ADGRG7: variants seen among roughly 807,000 people sequenced by gnomAD.
The protein encoded by ADGRG7 is G-protein coupled receptor 128.
Under a neutral mutation model 88.6 loss-of-function variants are expected in ADGRG7, and 82 were observed. That is an observed-to-expected ratio of 0.93 (90% confidence interval 0.77 to 1.11). The LOEUF (loss-of-function observed/expected upper bound fraction) is 1.11, where lower values mean the gene tolerates loss of function less well. Ranked by LOEUF, ADGRG7 falls within the 50% of genes most tolerant of loss-of-function variation. The pLI is 0.00. For missense variants in ADGRG7, 945 were observed against 953.4 expected (o/e 0.99, Z 0.12); for synonymous variants, 381 against 345.2 (o/e 1.10, Z -1.15).
rs1292502507 is a variant in ADGRG7 at position 100,630,781 on chromosome 3, G to A, written c.306G>A (p.Leu102=). The A allele has an allele frequency of 2.7e-6, 4 of 1,480,762 alleles. No individual in the cohort carries two copies. The highest frequency in any genetic ancestry group is 1.8e-4 in the Middle Eastern group (1 of 5,672). 91.7% of individuals were successfully genotyped at this position (1,480,762 alleles called of 1,614,324 possible). A position where few individuals can be genotyped will look rare whatever the true frequency, so the allele number is the denominator to read the frequency against. Residue 102 remains leucine, a synonymous_variant, in exon 3 of 16, where the codon TTG becomes TTA. Transcript: ENST00000273352. ...CAGTGGGCAGATATGGACCATCCTTGCAAACATGTGGCAAGGATACTCCAA... is the reference window on the plus strand; with the variant it reads ...CAGTGGGCAGATATGGACCATCCTTACAAACATGTGGCAAGGATACTCCAA... ...RIPVGRYGPS[L]QTCGKDTPNA... is the part of the protein sequence containing the mutation.
At chr3:100,691,410 G>A (rs569879504) in intron 15 of ADGRG7, among the ~76,000 whole-genome samples, 109 of 152,228 alleles carry the variant, frequency 7.2e-4, no homozygotes, top group South Asian at 2.3e-3. Context: ...AGATGAACCC[G>A]GTACCTCAGT....
intron 8 of ADGRG7, among the ~76,000 whole-genome samples, chr3:100,643,854 A>C (rs948140488): frequency 7.9e-5 from 12 of 152,228 alleles, no homozygotes; most frequent in Non-Finnish European, 1.2e-4. Flanking sequence ...GCCTTTTGGA[A>C]GGTAGCAGAA....
intron 6 of ADGRG7, among the ~76,000 whole-genome samples, chr3:100,639,833 T>A (rs753444595): frequency 6.6e-6 from 1 of 152,260 alleles, no homozygotes. Flanking sequence ...AATACAATTT[T>A]GTGTGATTTT....
At chr3:100,639,450 G>A (rs1430455837) in intron 6 of ADGRG7, among the ~76,000 whole-genome samples, 2 of 152,222 alleles carry the variant, frequency 1.3e-5, no homozygotes, top group African/African-American at 4.8e-5. Flanking sequence ...ACAATTCTGA[G>A]AGGTGGTTGT....
At chr3:100,674,771 G>T (rs2094962834) in intron 15 of ADGRG7, among the ~76,000 whole-genome samples, 1 of 152,050 alleles carries the variant, frequency 6.6e-6, no homozygotes, top group Non-Finnish European at 1.5e-5. Context: ...TAGAGACGGG[G>T]TTTCACCATG....
chr3:100,671,067 A>G (rs1238777667), intron 15 of ADGRG7, among the ~76,000 whole-genome samples: 1 of 152,222 alleles, frequency 6.6e-6, no homozygotes, highest in South Asian at 2.1e-4. Context: ...GTATATACCA[A>G]GTAATGGGAT....
At chr3:100,668,196 G>C (rs979998259) in intron 14 of ADGRG7, among the ~76,000 whole-genome samples, 2 of 152,184 alleles carry the variant, frequency 1.3e-5, no homozygotes, top group African/African-American at 4.8e-5. Context: ...CGTCAATCTT[G>C]CTGGGAGCTG....
At chr3:100,624,424 A>T (rs528406531) in intron 1 of ADGRG7, among the ~76,000 whole-genome samples, 2 of 152,136 alleles carry the variant, frequency 1.3e-5, no homozygotes, top group South Asian at 4.2e-4. Flanking sequence ...TTCCTTGTAG[A>T]TTCTGTATAT....
Position 100,647,060 on chromosome 3 carries a change from G to A in ADGRG7, c.1266+336G>A, listed in dbSNP as rs56267678. Among the ~76,000 whole-genome samples the A allele has an allele frequency of 3.2e-3, 492 of 152,214 alleles. 2 individuals are homozygous for A. The highest frequency in any genetic ancestry group is 0.013 in the South Asian group (65 of 4,822). ...TAATCCCAGCTACTCAGGAGGCTGA[G>A]GCAGGAGAATCGCTTGAACCTGGGA... On this transcript the variant is annotated intron_variant, in intron 10 of 15. Coordinates refer to ENST00000273352, the MANE Select transcript of ADGRG7 (RefSeq NM_032787.3).
chr3:100,673,246 T>C (rs1390094357), intron 15 of ADGRG7, among the ~76,000 whole-genome samples: 1 of 152,164 alleles, frequency 6.6e-6, no homozygotes, highest in African/African-American at 2.4e-5. Context: ...ATTTCAGAAC[T>C]TGTTATTGGT....
intron 14 of ADGRG7, among the ~76,000 whole-genome samples, chr3:100,661,195 C>G (rs2094944882): frequency 1.3e-5 from 2 of 152,158 alleles, no homozygotes; most frequent in South Asian, 4.1e-4. Context: ...ATACTCTACC[C>G]TCCCTGACCC....
intron 2 of ADGRG7, among the ~76,000 whole-genome samples, chr3:100,630,223 A>T (rs1215926841): frequency 6.6e-6 from 1 of 152,108 alleles, no homozygotes; most frequent in Non-Finnish European, 1.5e-5. Context: ...GGCCATTTTT[A>T]AATTTGAGGT....
chr3:100,644,684 T>TA (rs1168839170), intron 8 of ADGRG7, among the ~76,000 whole-genome samples: 3,524 of 142,218 alleles, frequency 0.025, 105 homozygotes, highest in African/African-American at 0.071. Context: ...CCCTGCTAAT[T>TA]AAAAAAAAAA....
intron 11 of ADGRG7, among the ~76,000 whole-genome samples, chr3:100,653,152 T>C (rs530067825): frequency 6.6e-6 from 1 of 152,302 alleles, no homozygotes; most frequent in East Asian, 1.9e-4. Context: ...TTGTTATGTA[T>C]AAACCATTTA....
At chr3:100,662,559 T>C (rs2094946861) in intron 14 of ADGRG7, among the ~76,000 whole-genome samples, 3 of 152,276 alleles carry the variant, frequency 2.0e-5, no homozygotes, top group Admixed American at 2.0e-4. Flanking sequence ...CCTGAGAAGT[T>C]TTCTTCATAT....
chr3:100,659,710 C>T lies in ADGRG7; in HGVS notation c.1846C>T (p.Pro616Ser). ...EKICWLAIPE[P>S]NGVIKSPLLW... Reference sequence around the variant, plus strand: ...CAGCTGCTGGCTGGCAATTCCAGAACCCAATGGTGTTATAAAAAGTCCGCT... The same window carrying T: ...CAGCTGCTGGCTGGCAATTCCAGAATCCAATGGTGTTATAAAAAGTCCGCT... The change falls in exon 14 of 16, where the codon CCC becomes TCC. Residue 616 changes from proline to serine, a missense_variant. Pro to Ser is a moderately conservative substitution (Grantham distance 74). Coordinates refer to ENST00000273352, the MANE Select transcript of ADGRG7 (RefSeq NM_032787.3). 6.2e-7 allele frequency: 1 copy of T among 1,613,772 alleles called. No individual in the cohort carries two copies. Among genetic ancestry groups the T allele is most frequent in the Non-Finnish European group, 8.5e-7 (1 of 1,179,898 alleles).
chr3:100,614,811 GCTA>G (rs1707201793), intron 1 of ADGRG7, among the ~76,000 whole-genome samples: 1 of 152,026 alleles, frequency 6.6e-6, no homozygotes. Flanking sequence ...ATTATTTTAT[GCTA>G]CTTTCTCAAG....
intron 15 of ADGRG7, among the ~76,000 whole-genome samples, chr3:100,684,060 A>G (rs2094978060): frequency 6.6e-6 from 1 of 152,050 alleles, no homozygotes. Context: ...TCTCAGTCCC[A>G]CTTCATCTTG....
intron 15 of ADGRG7, among the ~76,000 whole-genome samples, chr3:100,673,456 C>CT (rs1388771056): frequency 7.2e-6 from 1 of 138,832 alleles, no homozygotes; most frequent in Non-Finnish European, 1.5e-5. Context: ...ATTCTTCTCT[C>CT]TTTTCTTCTT....
Sources: gnomAD v4.1 joint callset for allele counts (sites outside exome capture counted in the v4.1 genomes callset) on GRCh38, gnomAD v4.1.1 for gene constraint, MANE v1.5 for transcripts, NCBI Gene and HGNC (gene_info 2026-07-23, HGNC 2026-07-21) for gene names.